RASEF: variants seen among roughly 807,000 people sequenced by gnomAD.
The protein encoded by RASEF is RAS and EF-hand domain containing.
RASEF carries 68 observed loss-of-function variants against 90.1 expected under a neutral mutation model. That is an observed-to-expected ratio of 0.75 (90% CI 0.62 to 0.92). The LOEUF (loss-of-function observed/expected upper bound fraction) is 0.92. Among genes scored for constraint, RASEF ranks in the 40% least tolerant of loss-of-function variants. The pLI is 0.00. For synonymous variants in RASEF, 331 were observed against 345.2 expected (o/e 0.96, Z 0.46); for missense variants, 949 against 937.2 (o/e 1.01, Z -0.16).
chr9:83,024,907 C>G (rs116033089), intron 2 of RASEF, among the ~76,000 whole-genome samples: 5 of 152,054 alleles, frequency 3.3e-5, no homozygotes, highest in Non-Finnish European at 7.4e-5. Flanking sequence ...AAGCTCCAGG[C>G]AGAAACCAGC....
the RASEF span, among the ~76,000 whole-genome samples, chr9:83,093,647 G>T: frequency 6.6e-6 from 1 of 152,046 alleles, no homozygotes; most frequent in African/African-American, 2.4e-5. Context: ...CAGCTGGCCC[G>T]CAAGGGCCGC....
chr9:83,047,557 C>A (rs111615676), intron 1 of RASEF, among the ~76,000 whole-genome samples: 1 of 152,234 alleles, frequency 6.6e-6, no homozygotes, highest in African/African-American at 2.4e-5. Flanking sequence ...AGAAAAATAT[C>A]GGAGTGATAG....
intron 16 of RASEF, among the ~76,000 whole-genome samples, chr9:82,988,182 T>G (rs1828744474): frequency 6.6e-6 from 1 of 152,274 alleles, no homozygotes; most frequent in Non-Finnish European, 1.5e-5. Context: ...TGATCTTTAG[T>G]GAAGTCAAAT....
the RASEF span, among the ~76,000 whole-genome samples, chr9:83,081,950 C>G: frequency 0.021 from 3,138 of 152,204 alleles, 90 homozygotes; most frequent in African/African-American, 0.071. Context: ...AAATACTGAG[C>G]AGGCATAAAT....
the RASEF span, among the ~76,000 whole-genome samples, chr9:83,178,191 T>C: frequency 6.6e-6 from 1 of 152,176 alleles, no homozygotes; most frequent in South Asian, 2.1e-4. Context: ...CTTTTTATTG[T>C]TTACCTCTTC....
intron 2 of RASEF, among the ~76,000 whole-genome samples, chr9:83,025,191 T>A (rs962065280): frequency 6.6e-6 from 1 of 152,162 alleles, no homozygotes. Context: ...AAGAGTTTAA[T>A]AGTTCTTTGG....
At chr9:82,993,564 G>C (rs1311190264) in intron 14 of RASEF, among the ~76,000 whole-genome samples, 1 of 152,122 alleles carries the variant, frequency 6.6e-6, no homozygotes, top group African/African-American at 2.4e-5. Flanking sequence ...CAACTATAAT[G>C]AAACAAAAAG....
At chr9:83,040,028 G>A (rs898597313) in intron 1 of RASEF, among the ~76,000 whole-genome samples, 1 of 152,118 alleles carries the variant, frequency 6.6e-6, no homozygotes, top group Admixed American at 6.5e-5. Context: ...TAGTGAATAA[G>A]TCTCATGAGA....
chr9:83,215,392 G>C, the RASEF span, among the ~76,000 whole-genome samples: 1 of 152,146 alleles, frequency 6.6e-6, no homozygotes. Context: ...GATGGCAAGG[G>C]TAAGAGAGCT....
upstream of RASEF, among the ~76,000 whole-genome samples, chr9:83,066,983 T>A (rs1830286800): frequency 6.6e-6 from 1 of 152,166 alleles, no homozygotes; most frequent in Non-Finnish European, 1.5e-5. Context: ...TGAGAAGTGA[T>A]CCTTTGCTCC....
chr9:83,194,464 C>T, the RASEF span, among the ~76,000 whole-genome samples: 1 of 152,182 alleles, frequency 6.6e-6, no homozygotes, highest in Non-Finnish European at 1.5e-5. Flanking sequence ...TTCAACATGA[C>T]TCGTCACAGA....
chr9:82,996,211 G>T (rs565179295), intron 14 of RASEF, among the ~76,000 whole-genome samples: 2 of 152,300 alleles, frequency 1.3e-5, no homozygotes, highest in South Asian at 4.1e-4. Context: ...AGCCACTACT[G>T]CAATTTAATG....
chr9:83,091,853 CA>C, the RASEF span, among the ~76,000 whole-genome samples: 1 of 152,032 alleles, frequency 6.6e-6, no homozygotes, highest in Non-Finnish European at 1.5e-5. Context: ...CTGCTTCCAT[CA>C]GTACCAAAAT....
chr9:83,118,760 C>G, the RASEF span, among the ~76,000 whole-genome samples: 7 of 152,140 alleles, frequency 4.6e-5, no homozygotes, highest in African/African-American at 1.7e-4. Context: ...ATTACCTTTG[C>G]TTATCACTAA....
chr9:83,195,886 A>T, the RASEF span, among the ~76,000 whole-genome samples: 3 of 152,068 alleles, frequency 2.0e-5, no homozygotes, highest in South Asian at 2.1e-4. Flanking sequence ...GGCATGTTCA[A>T]AACAGCCTAC....
the RASEF span, among the ~76,000 whole-genome samples, chr9:83,214,065 T>C: frequency 6.6e-6 from 1 of 152,184 alleles, no homozygotes; most frequent in Non-Finnish European, 1.5e-5. Context: ...CTCTGCACTA[T>C]AGTCTGAGCA....
chr9:83,049,333 TC>T (rs1829997543), intron 1 of RASEF: 1 of 985,176 alleles, frequency 1.0e-6, no homozygotes, highest in African/African-American at 1.7e-5. Flanking sequence ...GATGCAGTTT[TC>T]CAAGCTACAT....
At chr9:83,072,469 G>A in the RASEF span, among the ~76,000 whole-genome samples, 6 of 152,128 alleles carry the variant, frequency 3.9e-5, no homozygotes, top group African/African-American at 1.4e-4. Flanking sequence ...TGACTCACAC[G>A]ATCACAAGGT....
the RASEF span, among the ~76,000 whole-genome samples, chr9:83,168,908 C>T: frequency 6.6e-6 from 1 of 152,088 alleles, no homozygotes; most frequent in African/African-American, 2.4e-5. Flanking sequence ...AGTCACCTTA[C>T]TTTCCTAGTG....
Sources: gnomAD v4.1 joint callset for allele counts (sites outside exome capture counted in the v4.1 genomes callset) on GRCh38, gnomAD v4.1.1 for gene constraint, MANE v1.5 for transcripts, NCBI Gene and HGNC (gene_info 2026-07-23, HGNC 2026-07-21) for gene names.